NEMP2: variants seen among roughly 807,000 people sequenced by gnomAD.
NEMP2 encodes nuclear envelope integral membrane protein 2.
NEMP2 carries 53 observed loss-of-function variants against 54.2 expected under a neutral mutation model. The ratio of observed to expected loss-of-function variants is 0.98; its 90% confidence interval spans 0.78 to 1.23. NEMP2 has a LOEUF of 1.23. Ranked by LOEUF, NEMP2 falls within the 50% of genes most tolerant of loss-of-function variation. The probability of loss-of-function intolerance (pLI) is 0.00; values close to 1 mark genes in which losing one functional copy is unlikely to be tolerated. For synonymous variants in NEMP2, 197 were observed against 190.3 expected, an observed-to-expected ratio of 1.04 and a Z score of -0.29; for missense variants, 455 against 511.3, an observed-to-expected ratio of 0.89 and a Z score of 1.06.
At chr2:190,477,860 A>C in the NEMP2 span, among the ~76,000 whole-genome samples, 1 of 152,166 alleles carries the variant, frequency 6.6e-6, no homozygotes, top group African/African-American at 2.4e-5. Context: ...TGTATTGAAA[A>C]ATTCCCTACA....
At chr2:190,556,966 A>G in the NEMP2 span, among the ~76,000 whole-genome samples, 7 of 152,232 alleles carry the variant, frequency 4.6e-5, no homozygotes, top group Admixed American at 1.3e-4. Flanking sequence ...ACAGATCTAG[A>G]AAAAATTACT....
chr2:190,555,360 TAAC>T, the NEMP2 span, among the ~76,000 whole-genome samples: 9 of 151,954 alleles, frequency 5.9e-5, no homozygotes, highest in Non-Finnish European at 8.8e-5. The surrounding 1 kb of genome is among the most constrained non-coding windows in gnomAD (Gnocchi z 4.8). Flanking sequence ...AGGTGGGTAA[TAAC>T]AAACTCCTTC....
chr2:190,513,888 C>T lies in NEMP2; in HGVS notation c.953+565G>A, dbSNP rs1690458185. ...AGGGCAAGAACCATCTCCATCTGTG[C>T]ACCTGACATGAAAACAGCTGCTCAG... On this transcript the variant is annotated intron_variant, in intron 7 of 8. Transcript: ENST00000409150. The surrounding 1 kb of genome is among the most constrained non-coding windows in gnomAD (Gnocchi z 5.3). Among the ~76,000 whole-genome samples the T allele has an allele frequency of 6.6e-6, 1 of 152,148 alleles. No homozygotes were observed. Among genetic ancestry groups the T allele is most frequent in the South Asian group, 2.1e-4 (1 of 4,826 alleles).
the NEMP2 span, among the ~76,000 whole-genome samples, chr2:190,577,916 T>C: frequency 3.3e-5 from 5 of 152,090 alleles, no homozygotes; most frequent in African/African-American, 1.2e-4. This position sits in a 1 kb window ranked among gnomAD's most constrained non-coding sequence, Gnocchi z 4.8. Context: ...AGTGAAGCTA[T>C]CAGGTATTGG....
the NEMP2 span, among the ~76,000 whole-genome samples, chr2:190,486,468 T>A: frequency 6.6e-6 from 1 of 152,248 alleles, no homozygotes; most frequent in African/African-American, 2.4e-5. Flanking sequence ...GACTCTTGGC[T>A]AGAGTCTTCA....
intron 4 of NEMP2, 89 bp downstream of exon 4, chr2:190,518,647 C>T (rs990871106): frequency 9.1e-7 from 1 of 1,095,440 alleles, no homozygotes; most frequent in Non-Finnish European, 1.3e-6. Context: ...TACAAATGCA[C>T]AATAGTGTGA....
chr2:190,627,664 T>G, the NEMP2 span, among the ~76,000 whole-genome samples: 1 of 152,052 alleles, frequency 6.6e-6, no homozygotes, highest in African/African-American at 2.4e-5. This position sits in a 1 kb window ranked among gnomAD's most constrained non-coding sequence, Gnocchi z 4.4. Flanking sequence ...CAGTGTTGAC[T>G]CTATTCTTTT....
the NEMP2 span, among the ~76,000 whole-genome samples, chr2:190,586,950 T>C: frequency 6.6e-6 from 1 of 152,210 alleles, no homozygotes; most frequent in Admixed American, 6.5e-5. The surrounding 1 kb of genome is among the most constrained non-coding windows in gnomAD (Gnocchi z 4.5). Flanking sequence ...TGTGAGAATT[T>C]TCATTTTCAT....
At chr2:190,497,537 C>T in the NEMP2 span, 11 of 1,614,156 alleles carry the variant, frequency 6.8e-6, no homozygotes, top group Non-Finnish European at 7.6e-6. This position sits in a 1 kb window ranked among gnomAD's most constrained non-coding sequence, Gnocchi z 5.2. Context: ...TGTCATGCCA[C>T]GCATTGAGCC....
chr2:190,582,871 A>G, the NEMP2 span, among the ~76,000 whole-genome samples: 2 of 152,252 alleles, frequency 1.3e-5, no homozygotes, highest in East Asian at 3.9e-4. The surrounding 1 kb of genome is among the most constrained non-coding windows in gnomAD (Gnocchi z 4.6). Context: ...TTTTTCCTCA[A>G]TTGGCCTCAG....
At chr2:190,470,592 A>G in the NEMP2 span, among the ~76,000 whole-genome samples, 7 of 152,376 alleles carry the variant, frequency 4.6e-5, no homozygotes, top group Non-Finnish European at 7.3e-5. Context: ...GTGACGGTCC[A>G]GGCTACTAAA....
chr2:190,452,456 G>T, the NEMP2 span, among the ~76,000 whole-genome samples: 1 of 152,076 alleles, frequency 6.6e-6, no homozygotes, highest in East Asian at 1.9e-4. Context: ...TGTGAGTTAG[G>T]CATTGTTATG....
chr2:190,490,512 G>A, the NEMP2 span, among the ~76,000 whole-genome samples: 2 of 151,868 alleles, frequency 1.3e-5, no homozygotes, highest in African/African-American at 2.4e-5. The surrounding 1 kb of genome is among the most constrained non-coding windows in gnomAD (Gnocchi z 4.5). Flanking sequence ...GCAGTGAGCC[G>A]AGATAGCACC....
In NEMP2 at chr2:190,527,344, A is replaced by G. The variant is rs550493893; in HGVS notation, c.98-1966T>C. The stretch of plus-strand genomic sequence containing the variant: ...GGTCCTGGCCTGAAATATCCTTAGC[A>G]TTAAGTTGGAGAAAAGTGAAGACAG... On this transcript the variant is annotated intron_variant, in intron 1 of 8. Transcript: ENST00000409150. This position sits in a 1 kb window ranked among gnomAD's most constrained non-coding sequence, Gnocchi z 4.0. Among the ~76,000 whole-genome samples, 2 of 152,236 alleles carry G rather than the reference A, an allele frequency of 1.3e-5. No individual in the cohort carries two copies. Among genetic ancestry groups the G allele is most frequent in the East Asian group, 3.9e-4 (2 of 5,172 alleles).
chr2:190,516,131 A>G, intron 6 of NEMP2, 139 bp downstream of exon 6: 1 of 565,022 alleles, frequency 1.8e-6, no homozygotes, highest in Non-Finnish European at 3.1e-6. Flanking sequence ...GATAAACAAA[A>G]TATTATTTTT....
At chr2:190,599,866 C>A in the NEMP2 span, among the ~76,000 whole-genome samples, 3 of 152,160 alleles carry the variant, frequency 2.0e-5, no homozygotes, top group Non-Finnish European at 2.9e-5. Flanking sequence ...CCCCATCCCC[C>A]CATCCCAATC....
chr2:190,478,685 A>G, the NEMP2 span, among the ~76,000 whole-genome samples: 1 of 152,128 alleles, frequency 6.6e-6, no homozygotes, highest in South Asian at 2.1e-4. Context: ...TTGACTGGAA[A>G]TGTTACTTGT....
the NEMP2 span, among the ~76,000 whole-genome samples, chr2:190,646,229 A>G: frequency 6.6e-6 from 1 of 152,216 alleles, no homozygotes; most frequent in African/African-American, 2.4e-5. Flanking sequence ...AAACTGTTTG[A>G]TCTCTTCCAG....
chr2:190,607,661 G>A, the NEMP2 span: 1 of 152,104 alleles, frequency 6.6e-6, no homozygotes, highest in African/African-American at 2.4e-5. This position sits in a 1 kb window ranked among gnomAD's most constrained non-coding sequence, Gnocchi z 5.2. Context: ...TTTTATTGTG[G>A]TAAAATTAGA....
Sources: allele counts gnomAD v4.1 joint callset (sites outside exome capture counted in the v4.1 genomes callset), GRCh38; gene constraint gnomAD v4.1.1; non-coding constraint Gnocchi (gnomAD v3.1); transcripts MANE v1.5; gene names NCBI Gene and HGNC (gene_info 2026-07-23, HGNC 2026-07-21).